Variants in ASIC2 observed in about 807,000 individuals in gnomAD.
ASIC2 encodes the protein acid sensing ion channel subunit 2.
A neutral mutation model predicts 57.3 loss-of-function variants in ASIC2; 25 were observed. The ratio of observed to expected loss-of-function variants is 0.44; its 90% CI spans 0.32 to 0.61. The LOEUF (loss-of-function observed/expected upper bound fraction) is 0.61. Among genes scored for constraint, ASIC2 ranks in the 20% least tolerant of loss-of-function variants. ASIC2 has a pLI of 0.06. For synonymous variants in ASIC2, 319 were observed against 307.5 expected, an observed-to-expected ratio of 1.04 and a Z score of -0.39; for missense variants, 641 against 738.1, an observed-to-expected ratio of 0.87 and a Z score of 1.52.
chr17:34,069,144 C>T (rs1909285311), intron 1 of ASIC2, among the ~76,000 whole-genome samples: 1 of 152,070 alleles, frequency 6.6e-6, no homozygotes, highest in African/African-American at 2.4e-5. Context: ...ACTGCAGAAG[C>T]TGGCAAACGC....
intron 1 of ASIC2, among the ~76,000 whole-genome samples, chr17:33,269,671 C>CTTCCTTCTTTCCTTTTTCTAGTTTGTGCA (rs1567805227): frequency 1.4e-5 from 1 of 72,856 alleles, no homozygotes; most frequent in Non-Finnish European, 3.0e-5. Flanking sequence ...TCCTTCCTTC[C>CTTCCTTCTTTCCTTTTTCTAGTTTGTGCA]TTCCCTCCCT....
At chr17:33,470,662 A>G (rs561720955) in intron 1 of ASIC2, among the ~76,000 whole-genome samples, 90 of 152,328 alleles carry the variant, frequency 5.9e-4, no homozygotes, top group African/African-American at 2.1e-3. Context: ...AGTGGGACTC[A>G]GAGCTAAGAG....
chr17:33,786,357 G>A (rs1439094810), intron 1 of ASIC2, among the ~76,000 whole-genome samples: 1 of 152,002 alleles, frequency 6.6e-6, no homozygotes, highest in African/African-American at 2.4e-5. Flanking sequence ...TGAGCTCCAA[G>A]TACAAGTCGA....
At chr17:33,534,043 T>G (rs1915144942) in intron 1 of ASIC2, 1 of 152,162 alleles carries the variant, frequency 6.6e-6, no homozygotes, top group Admixed American at 6.5e-5. Context: ...GGGGAGGTAT[T>G]CATAATACTT....
At chr17:33,332,745 G>T (rs930249885) in intron 1 of ASIC2, among the ~76,000 whole-genome samples, 2 of 152,102 alleles carry the variant, frequency 1.3e-5, no homozygotes, top group Non-Finnish European at 1.5e-5. Flanking sequence ...ACAAAAATTA[G>T]CTGGGAATGG....
chr17:33,866,927 C>T (rs1053519115), intron 1 of ASIC2, among the ~76,000 whole-genome samples: 1 of 152,156 alleles, frequency 6.6e-6, no homozygotes, highest in Admixed American at 6.5e-5. Context: ...CATTTGGATC[C>T]CAATGATTTC....
chr17:33,630,156 TG>T (rs1906115517), intron 1 of ASIC2, among the ~76,000 whole-genome samples: 1 of 152,184 alleles, frequency 6.6e-6, no homozygotes, highest in Non-Finnish European at 1.5e-5. Flanking sequence ...TCAATCCCTC[TG>T]TGGCTCCCAA....
chr17:33,876,827 G>C (rs1224178876), intron 1 of ASIC2, among the ~76,000 whole-genome samples: 3 of 152,174 alleles, frequency 2.0e-5, no homozygotes, highest in Non-Finnish European at 4.4e-5. Context: ...CATGCATCCA[G>C]CTGAGAACTT....
chr17:33,983,650 C>A (rs570552205), intron 1 of ASIC2, among the ~76,000 whole-genome samples: 15 of 152,158 alleles, frequency 9.9e-5, no homozygotes, highest in Non-Finnish European at 2.1e-4. Context: ...CGTGCAAATT[C>A]GTGAGCCACC....
At chr17:33,041,600 G>A (rs1232667656) in intron 3 of ASIC2, among the ~76,000 whole-genome samples, 2 of 152,196 alleles carry the variant, frequency 1.3e-5, no homozygotes, top group Non-Finnish European at 2.9e-5. Flanking sequence ...GCCAGAACTC[G>A]GGTTCTAACC....
rs146510061 is a variant in ASIC2, at chr17:33,965,122, G to A, written c.555+190856C>T. Among the ~76,000 whole-genome samples, 1,259 of 152,228 alleles carry A rather than the reference G, an allele frequency of 8.3e-3. 26 individuals are homozygous for A. The highest frequency in any genetic ancestry group is 0.028 in the African/African-American group (1,148 of 41,532). ...TGAGAAAGAGGAAAGGAAGGGAGACGGCTCTTATTGAATGCCTATCATATG... is the reference window on the plus strand; with the variant it reads ...TGAGAAAGAGGAAAGGAAGGGAGACAGCTCTTATTGAATGCCTATCATATG... On this transcript the variant is annotated intron_variant, in intron 1 of 9. Transcript: ENST00000359872.
intron 1 of ASIC2, among the ~76,000 whole-genome samples, chr17:33,351,013 G>A (rs1161004556): frequency 6.6e-6 from 1 of 152,154 alleles, no homozygotes; most frequent in Non-Finnish European, 1.5e-5. Context: ...CTCTCAGGGA[G>A]AATCAGCTAA....
At chr17:33,425,813 T>C (rs34657293) in intron 1 of ASIC2, among the ~76,000 whole-genome samples, 116,967 of 152,034 alleles carry the variant, frequency 0.77, 45,799 homozygotes, top group Middle Eastern at 0.86. Flanking sequence ...AGACATTCAC[T>C]GACAGATTCT....
At chr17:33,429,393 C>CT (rs897871808) in intron 1 of ASIC2, among the ~76,000 whole-genome samples, 18 of 151,812 alleles carry the variant, frequency 1.2e-4, no homozygotes, top group East Asian at 5.8e-4. Context: ...TTTGTTTTGT[C>CT]TTTTTTTGTT....
At chr17:33,939,299 CAG>C (rs1916134243) in intron 1 of ASIC2, among the ~76,000 whole-genome samples, 1 of 152,224 alleles carries the variant, frequency 6.6e-6, no homozygotes, top group Non-Finnish European at 1.5e-5. Flanking sequence ...GAAAACGAAT[CAG>C]AGAGGTCAAG....
At chr17:33,674,391 TTTG>T (rs1423877942) in intron 1 of ASIC2, among the ~76,000 whole-genome samples, 1 of 152,234 alleles carries the variant, frequency 6.6e-6, no homozygotes. Flanking sequence ...TAGGACAATT[TTTG>T]TTGTTTGTTT....
chr17:33,542,034 A>C (rs1225763478), intron 1 of ASIC2, among the ~76,000 whole-genome samples: 2 of 152,222 alleles, frequency 1.3e-5, no homozygotes, highest in African/African-American at 4.8e-5. Context: ...AGACCAATGA[A>C]TGCAAAATGC....
intron 1 of ASIC2, among the ~76,000 whole-genome samples, chr17:33,592,307 C>A (rs6505361): frequency 0.42 from 63,924 of 152,206 alleles, 15,051 homozygotes; most frequent in African/African-American, 0.65. Flanking sequence ...ATCATCTGTC[C>A]GATGGTTAAC....
intron 1 of ASIC2, among the ~76,000 whole-genome samples, chr17:34,113,982 C>T (rs1471923523): frequency 6.6e-6 from 1 of 152,176 alleles, no homozygotes; most frequent in Non-Finnish European, 1.5e-5. Flanking sequence ...GCTTGAGGCA[C>T]CAGATCTGCA....
Sources: allele counts gnomAD v4.1 joint callset (sites outside exome capture counted in the v4.1 genomes callset), GRCh38; gene constraint gnomAD v4.1.1; transcripts MANE v1.5; gene names NCBI Gene and HGNC (gene_info 2026-07-23, HGNC 2026-07-21).